Variants in ZNF678 observed in about 807,000 individuals in gnomAD.
ZNF678 encodes the protein zinc finger protein 678.
In ZNF678, 5 loss-of-function variants were observed where a neutral mutation model predicts 3.0. The ratio of observed to expected loss-of-function variants is 1.69; its 90% CI spans 0.88 to 3.56. The LOEUF (loss-of-function observed/expected upper bound fraction) is 3.56, where lower values mean the gene tolerates loss of function less well. Among genes scored for constraint, ZNF678 ranks in the 30% most tolerant of loss-of-function variants. The pLI is 0.00. For synonymous variants in ZNF678, 218 were observed against 199.6 expected, an observed-to-expected ratio of 1.09 and a Z score of -0.78; for missense variants, 593 against 605.0, an observed-to-expected ratio of 0.98 and a Z score of 0.21.
rs538999388 is a variant in ZNF678, at chr1:227,577,765, T to C, written c.-164+14041T>C. 2.0e-5 allele frequency among the ~76,000 whole-genome samples: 3 copies of C among 152,344 alleles called. No homozygotes were observed. The South Asian group carries it at 6.2e-4, about 32-fold the overall frequency. ...AGGTTAGTATTAAAATGTATGGTTT[T>C]GATCCTGCCATCATGATGGTAGCTG... is the stretch of plus-strand genomic sequence containing the variant. On this transcript the variant is annotated intron_variant, in intron 1 of 3. Transcript: ENST00000343776.
intron 1 of ZNF678, among the ~76,000 whole-genome samples, chr1:227,631,522 G>A (rs768532415): frequency 6.6e-6 from 1 of 152,244 alleles, no homozygotes; most frequent in African/African-American, 2.4e-5. Flanking sequence ...CAGAGAGGGT[G>A]TAGGTAACCT....
Position 227,654,527 on chromosome 1 carries a change from A to G in ZNF678, c.277A>G (p.Lys93Glu). The stretch of plus-strand genomic sequence containing the variant: ...TAGACTTACTCAATGTTCATCAACT[A>G]AAAGCAAAATCTTTCAATGTATTGA... ...CNRLTQCSST[K>E]SKIFQCIECG... is the part of the protein sequence containing the mutation. Residue 93 changes from lysine (K) to glutamate (E), a missense_variant, in exon 4 of 4, where the codon AAA (lysine) becomes GAA (glutamate). Lys to Glu is a moderately conservative substitution (Grantham distance 56). Transcript: ENST00000343776. 1.2e-6 allele frequency: 2 copies of G among 1,613,342 alleles called. No individual in the cohort carries two copies. The highest frequency in any genetic ancestry group is 1.3e-5 in the African/African-American group (1 of 75,020).
At chr1:227,610,621 T>C (rs3010193) in intron 1 of ZNF678, among the ~76,000 whole-genome samples, 72,642 of 152,004 alleles carry the variant, frequency 0.48, 18,605 homozygotes, top group African/African-American at 0.66. Flanking sequence ...TGGTGTTACT[T>C]CCAGTCACCT....
chr1:227,600,865 A>G (rs776279577), intron 1 of ZNF678, among the ~76,000 whole-genome samples: 6 of 152,152 alleles, frequency 3.9e-5, no homozygotes, highest in Non-Finnish European at 7.4e-5. Flanking sequence ...GCCTGTCTGT[A>G]TGTCCAGGAT....
In ZNF678 at chr1:227,669,826, T is replaced by TA. The variant is rs765819296; in HGVS notation, c.227-7353_227-7352insA. 1.8e-3 allele frequency among the ~76,000 whole-genome samples: 281 copies of TA among 152,282 alleles called. 1 individual carries two copies. The highest frequency in any genetic ancestry group is 1.9e-3 in the Non-Finnish European group (130 of 68,018). On this transcript the variant is annotated intron_variant, in intron 5 of 5. Transcript: ENST00000608949. ...AAAGAACTTAAAACAGAGTTACCAT[T>TA]TGACCCAGCAATTCCATAACTGGGT...
At chr1:227,632,233 G>A (rs1478666373) in intron 1 of ZNF678, among the ~76,000 whole-genome samples, 2 of 151,846 alleles carry the variant, frequency 1.3e-5, no homozygotes, top group Non-Finnish European at 2.9e-5. Context: ...AGGATGCAGT[G>A]TAGAGCTTCC....
intron 3 of ZNF678, among the ~76,000 whole-genome samples, chr1:227,653,364 C>G (rs1221442025): frequency 3.3e-5 from 5 of 151,864 alleles, no homozygotes; most frequent in Non-Finnish European, 7.4e-5. Context: ...TTTGTTGATA[C>G]TCACATTTCC....
intron 1 of ZNF678, among the ~76,000 whole-genome samples, chr1:227,608,477 G>A (rs988885766): frequency 4.0e-5 from 6 of 151,892 alleles, no homozygotes; most frequent in African/African-American, 1.2e-4. Flanking sequence ...CAAATGATAC[G>A]TATAGAAATT....
downstream of ZNF678, among the ~76,000 whole-genome samples, chr1:227,677,881 C>T (rs1233207962): frequency 6.6e-6 from 1 of 152,140 alleles, no homozygotes; most frequent in Non-Finnish European, 1.5e-5. Flanking sequence ...GGCTCCCTGC[C>T]AAATAACTGC....
intron 1 of ZNF678, among the ~76,000 whole-genome samples, chr1:227,582,232 GATA>G (rs901501135): frequency 7.9e-5 from 12 of 151,488 alleles, no homozygotes; most frequent in African/African-American, 1.5e-4. Context: ...TCTTAATTTT[GATA>G]ATAATTTCTT....
intron 1 of ZNF678, chr1:227,598,967 T>G (rs1260335007): frequency 1.4e-5 from 14 of 1,031,354 alleles, no homozygotes; most frequent in Non-Finnish European, 2.1e-5. Context: ...CATTTTTTTC[T>G]TCAAATTCAG....
At chr1:227,652,063 G>A (rs1571915144) in intron 3 of ZNF678, among the ~76,000 whole-genome samples, 1 of 152,192 alleles carries the variant, frequency 6.6e-6, no homozygotes, top group South Asian at 2.1e-4. Flanking sequence ...ATATATTTGG[G>A]AAACCTAGTG....
At chr1:227,623,264 C>A (rs1017279163) in intron 1 of ZNF678, among the ~76,000 whole-genome samples, 2 of 152,230 alleles carry the variant, frequency 1.3e-5, no homozygotes, top group African/African-American at 4.8e-5. Context: ...TGAATAATAG[C>A]ACTGTCTATG....
chr1:227,614,617 C>T (rs1051770837), intron 1 of ZNF678, among the ~76,000 whole-genome samples: 1 of 152,204 alleles, frequency 6.6e-6, no homozygotes, highest in Non-Finnish European at 1.5e-5. Context: ...TGTTCAGACC[C>T]CTCTTTTTGT....
intron 2 of ZNF678, among the ~76,000 whole-genome samples, chr1:227,647,309 ATAGT>A (rs1471874083): frequency 6.6e-6 from 1 of 152,228 alleles, no homozygotes; most frequent in Non-Finnish European, 1.5e-5. Context: ...TAAATATTGT[ATAGT>A]TAATGTCAGA....
chr1:227,625,402 C>G (rs987022046), intron 1 of ZNF678, among the ~76,000 whole-genome samples: 1 of 152,136 alleles, frequency 6.6e-6, no homozygotes, highest in Non-Finnish European at 1.5e-5. Context: ...GGAGGGGTTC[C>G]TTCAATGTCA....
chr1:227,625,838 G>A (rs1335319179), intron 1 of ZNF678, among the ~76,000 whole-genome samples: 1 of 152,112 alleles, frequency 6.6e-6, no homozygotes, highest in African/African-American at 2.4e-5. Context: ...ACCGGTATGG[G>A]TGAAGTAAGT....
intron 1 of ZNF678, among the ~76,000 whole-genome samples, chr1:227,629,877 C>T (rs1658508678): frequency 6.6e-6 from 1 of 152,150 alleles, no homozygotes; most frequent in Non-Finnish European, 1.5e-5. Context: ...ATTCAATTTG[C>T]CCAGCCTTTC....
At chr1:227,675,051 T>A (rs1444224489) in intron 5 of ZNF678, among the ~76,000 whole-genome samples, 2 of 152,214 alleles carry the variant, frequency 1.3e-5, no homozygotes, top group African/African-American at 4.8e-5. Context: ...CATTTGAACA[T>A]TGCTATGGTC....
Sources: gnomAD v4.1 joint callset for allele counts (sites outside exome capture counted in the v4.1 genomes callset) on GRCh38, gnomAD v4.1.1 for gene constraint, MANE v1.5 for transcripts, NCBI Gene and HGNC (gene_info 2026-07-23, HGNC 2026-07-21) for gene names.